CACNA1H: variants seen among roughly 807,000 people sequenced by gnomAD.
The protein encoded by CACNA1H is voltage-dependent T-type calcium channel subunit alpha-1H.
CACNA1H carries 149 observed loss-of-function variants against 192.5 expected under a neutral mutation model. That is an observed-to-expected ratio of 0.77 (90% CI 0.68 to 0.89). The LOEUF is 0.89. CACNA1H is among the 40% of genes least tolerant of loss of function. CACNA1H has a pLI of 0.00. For synonymous variants in CACNA1H, 2,202 were observed against 1,475.2 expected, an observed-to-expected ratio of 1.49 and a Z score of -11.29; for missense variants, 4,257 against 3,423.5, an observed-to-expected ratio of 1.24 and a Z score of -6.08.
intron 2 of CACNA1H, among the ~76,000 whole-genome samples, chr16:1,160,818 G>A (rs1337098862): frequency 6.6e-6 from 1 of 152,158 alleles, no homozygotes; most frequent in Non-Finnish European, 1.5e-5. Context: ...TCCTTGGGTG[G>A]GTGTGGCCGC....
chr16:1,219,201 C>T lies in CACNA1H; in HGVS notation c.6048+71C>T, dbSNP rs577789432. On this transcript the variant is annotated intron_variant, in intron 34 of 34. Coordinates refer to ENST00000348261, the MANE Select transcript of CACNA1H (RefSeq NM_021098.3). The stretch of plus-strand genomic sequence containing the variant: ...GGCTTGCAGGGATGCCTCGTCTCAT[C>T]TGAAGGACCAGCAGACGAGGACAAG... 4.9e-5 allele frequency: 68 copies of T among 1,390,592 alleles called. No individual in the cohort carries two copies. In the African/African-American group the frequency reaches 8.5e-4, roughly 17 times the overall value. 86.1% of individuals were successfully genotyped at this position (1,390,592 alleles called of 1,614,324 possible).
chr16:1,185,801 T>C (rs1294113040), intron 2 of CACNA1H, among the ~76,000 whole-genome samples: 7 of 76,080 alleles, frequency 9.2e-5, no homozygotes, highest in South Asian at 3.8e-4. Context: ...ATGGGGCGGG[T>C]GAGTAGACGG....
chr16:1,172,336 C>T (rs1268000870), intron 2 of CACNA1H, among the ~76,000 whole-genome samples: 1 of 152,194 alleles, frequency 6.6e-6, no homozygotes, highest in African/African-American at 2.4e-5. Flanking sequence ...CAGGCCGTGC[C>T]ATCCCCAATG....
At chr16:1,170,293 T>G (rs1964234709) in intron 2 of CACNA1H, among the ~76,000 whole-genome samples, 1 of 152,192 alleles carries the variant, frequency 6.6e-6, no homozygotes, top group Admixed American at 6.5e-5. Context: ...TTCGGGCCTT[T>G]CCCTGGGTTG....
At chr16:1,189,806 C>A (rs904437880) in intron 2 of CACNA1H, among the ~76,000 whole-genome samples, 2 of 152,118 alleles carry the variant, frequency 1.3e-5, no homozygotes, top group Admixed American at 6.5e-5. Flanking sequence ...AGGGCCCCAC[C>A]ACCGAGGGGG....
intron 12 of CACNA1H, 52 bp downstream of exon 12, chr16:1,206,341 G>T: frequency 6.6e-7 from 1 of 1,512,652 alleles, no homozygotes; most frequent in African/African-American, 1.4e-5. Context: ...CAGGGCAGCT[G>T]GGAGGCAAAG....
chr16:1,217,442 G>A (rs1970118719), intron 31 of CACNA1H, among the ~76,000 whole-genome samples: 2 of 152,100 alleles, frequency 1.3e-5, no homozygotes, highest in Admixed American at 1.3e-4. Flanking sequence ...CTCGGCCCAG[G>A]CTGGGCGGGG....
chr16:1,165,648 C>G (rs971490897), intron 2 of CACNA1H, among the ~76,000 whole-genome samples: 1 of 152,212 alleles, frequency 6.6e-6, no homozygotes, highest in Non-Finnish European at 1.5e-5. Context: ...CTGCGTCCCC[C>G]CGAGGCCATT....
Position 1,206,142 on chromosome 16 carries a change from CTG to C in CACNA1H, c.2645_2646del (p.Val882AlafsTer71). 1.3e-6 allele frequency: 2 copies of C among 1,586,466 alleles called. No homozygotes were observed. Among genetic ancestry groups the C allele is most frequent in the African/African-American group, 1.3e-5 (1 of 74,510 alleles). Reference sequence around the variant, plus strand: ...GTGGGGCAGGCGGACGGTGGCTTGTCTGTGCTGCGCACCTTCCGGCTGCTGCG... The same window carrying C: ...GTGGGGCAGGCGGACGGTGGCTTGTCTGCTGCGCACCTTCCGGCTGCTGCG... On this transcript the variant is annotated frameshift_variant, in exon 12 of 35. Transcript: ENST00000348261. LOFTEE classifies it high-confidence loss of function.
At chr16:1,199,716 C>T (rs1279389770) in intron 6 of CACNA1H, among the ~76,000 whole-genome samples, 2 of 150,672 alleles carry the variant, frequency 1.3e-5, no homozygotes, top group East Asian at 2.0e-4. Flanking sequence ...CTCCCCTCAG[C>T]CTTCACCCCA....
Position 1,210,330 on chromosome 16 carries a change from GCCGCCCCGCCCCACCTCTCACCCGCCC to G in CACNA1H, c.3846-33_3846-7del. 7.1e-7 allele frequency: 1 copy of G among 1,407,090 alleles called. No individual in the cohort carries two copies. Among genetic ancestry groups the G allele is most frequent in the Non-Finnish European group, 9.7e-7 (1 of 1,033,220 alleles). 87.2% of individuals were successfully genotyped at this position (1,407,090 alleles called of 1,614,324 possible). On this transcript the variant is annotated splice_polypyrimidine_tract_variant and intron_variant, in intron 18 of 34. Transcript: ENST00000348261. Reference sequence around the variant, plus strand: ...AACCCCCATCCACTCTGCCATCCACGCCGCCCCGCCCCACCTCTCACCCGCCCCCGCCCACCCAGGTTCCGCGTCTCC... The same window carrying G: ...AACCCCCATCCACTCTGCCATCCACGCCGCCCACCCAGGTTCCGCGTCTCC...
rs369914581 is a variant in CACNA1H, at chr16:1,215,386, G to A, written c.5173+11G>A. The A allele has an allele frequency of 3.4e-5, 54 of 1,606,400 alleles. No individual in the cohort carries two copies. The highest frequency in any genetic ancestry group is 8.0e-5 in the African/African-American group (6 of 74,934). On this transcript the variant is annotated intron_variant, in intron 29 of 34. Transcript: ENST00000348261. Reference sequence around the variant, plus strand: ...TTCGCATTGCCCGTGGTAGGTGCCCGCGTGCCCGCCAGGTTCTCTCTGCGG... The same window carrying A: ...TTCGCATTGCCCGTGGTAGGTGCCCACGTGCCCGCCAGGTTCTCTCTGCGG...
At chr16:1,209,938 G>A in intron 17 of CACNA1H, 97 bp from the exon 18 acceptor site, 2 of 862,108 alleles carry the variant, frequency 2.3e-6, no homozygotes, top group Non-Finnish European at 1.8e-6. Flanking sequence ...AGGCTGAGAA[G>A]GTGCTGGGAG....
Position 1,220,643 on chromosome 16 carries a change from C to A in CACNA1H, c.6711C>A (p.Gly2237=), listed in dbSNP as rs1313828009. 6.2e-7 allele frequency: 1 copy of A among 1,603,084 alleles called. No individual in the cohort carries two copies. Among genetic ancestry groups the A allele is most frequent in the African/African-American group, 1.3e-5 (1 of 74,598 alleles). The part of the protein sequence containing the change: ...PHRDSLEPTE[G]SGAGGDPAAK... ...GGGACTCCCTGGAGCCCACAGAGGG[C>A]TCAGGCGCCGGGGGGGACCCTGCAG... Residue 2237 remains glycine (G), a synonymous_variant, in exon 35 of 35, where the codon GGC becomes GGA. Coordinates refer to ENST00000348261, the MANE Select transcript of CACNA1H (RefSeq NM_021098.3).
intron 24 of CACNA1H, 57 bp from the exon 25 acceptor site, chr16:1,211,889 C>A: frequency 6.2e-7 from 1 of 1,610,972 alleles, no homozygotes; most frequent in Non-Finnish European, 8.5e-7. Flanking sequence ...GGGGGCCATC[C>A]TGGGTAGGGC....
At chr16:1,186,497 C>T (rs372564114) in intron 2 of CACNA1H, among the ~76,000 whole-genome samples, 1 of 152,090 alleles carries the variant, frequency 6.6e-6, no homozygotes, top group Non-Finnish European at 1.5e-5. Context: ...GTCCTGAGTG[C>T]CCTCGTCTTG....
intron 2 of CACNA1H, among the ~76,000 whole-genome samples, chr16:1,194,190 G>T (rs1194018588): frequency 2.0e-5 from 3 of 152,070 alleles, no homozygotes; most frequent in Admixed American, 6.5e-5. Context: ...GGCTGCCCCT[G>T]AATCAGCTGT....
At chr16:1,172,659 C>T (rs1249628218) in intron 2 of CACNA1H, among the ~76,000 whole-genome samples, 4 of 152,204 alleles carry the variant, frequency 2.6e-5, no homozygotes, top group Non-Finnish European at 5.9e-5. Flanking sequence ...TTTCCCATAA[C>T]CGGCTTCCTG....
At chr16:1,183,906 C>T (rs532152439) in intron 2 of CACNA1H, among the ~76,000 whole-genome samples, 2 of 152,260 alleles carry the variant, frequency 1.3e-5, no homozygotes, top group African/African-American at 2.4e-5. Context: ...TAATTCCCTC[C>T]TGGATCGGTT....
Sources: gnomAD v4.1 joint callset for allele counts (sites outside exome capture counted in the v4.1 genomes callset) on GRCh38, gnomAD v4.1.1 for gene constraint, MANE v1.5 for transcripts, NCBI Gene and HGNC (gene_info 2026-07-23, HGNC 2026-07-21) for gene names.